GPRC6A: variants seen among roughly 807,000 people sequenced by gnomAD.
GPRC6A encodes G protein-coupled receptor class C group 6 member A.
A neutral mutation model predicts 47.0 loss-of-function variants in GPRC6A; 54 were observed. The ratio of observed to expected loss-of-function variants is 1.15; its 90% confidence interval spans 0.92 to 1.44. The LOEUF (loss-of-function observed/expected upper bound fraction) is 1.44. GPRC6A is among the 40% of genes most tolerant of loss of function. The pLI is 0.00. For synonymous variants in GPRC6A, 347 were observed against 377.1 expected (o/e 0.92, Z 0.93); for missense variants, 1,112 against 1,105.5 (o/e 1.01, Z -0.08).
intron 4 of GPRC6A, among the ~76,000 whole-genome samples, chr6:116,796,968 G>T (rs1188776003): frequency 6.6e-6 from 1 of 152,084 alleles, no homozygotes; most frequent in African/African-American, 2.4e-5. Context: ...GTGCCATGCT[G>T]GTGCGCTGCA....
intron 2 of GPRC6A, among the ~76,000 whole-genome samples, 170 bp from the exon 3 acceptor site, chr6:116,807,376 C>T (rs1562482427): frequency 6.6e-6 from 1 of 152,172 alleles, no homozygotes; most frequent in Non-Finnish European, 1.5e-5. Flanking sequence ...AGAATCATGG[C>T]TTTCTAATTA....
At chr6:116,805,160 A>G (rs73765862) in intron 3 of GPRC6A, among the ~76,000 whole-genome samples, 296 of 152,132 alleles carry the variant, frequency 1.9e-3, no homozygotes, top group African/African-American at 6.9e-3. Flanking sequence ...ATAACTATAT[A>G]TATATTAAAA....
intron 1 of GPRC6A, among the ~76,000 whole-genome samples, chr6:116,816,676 G>A (rs1773220789): frequency 6.6e-6 from 1 of 152,262 alleles, no homozygotes; most frequent in African/African-American, 2.4e-5. Flanking sequence ...GTCAGTGGGT[G>A]CACGCACCGT....
At position 116,792,580 on chromosome 6, in the gene GPRC6A, G is replaced by A. The variant is rs369230027; in HGVS notation, c.2343C>T (p.Ala781=). 112 of 1,602,148 alleles carry A rather than the reference G, an allele frequency of 7.0e-5. No individual in the cohort carries two copies. The highest frequency in any genetic ancestry group is 8.8e-5 in the Non-Finnish European group (103 of 1,174,996). Residue 781 remains alanine (A), a synonymous_variant, in exon 6 of 6, where the codon GCC becomes GCT. Transcript: ENST00000310357. ...TGAGCATGCCAAATGTAATGAATTT[G>A]GCTTCATTGTAATTCTCATATTTGC... The part of the protein sequence containing the change: ...FKGKYENYNE[A]KFITFGMLIY...
chr6:116,818,146 C>G (rs960455766), intron 1 of GPRC6A, among the ~76,000 whole-genome samples: 1 of 152,022 alleles, frequency 6.6e-6, no homozygotes, highest in Non-Finnish European at 1.5e-5. Flanking sequence ...GTTGGGTTAC[C>G]CTCAAAGGGA....
intron 1 of GPRC6A, among the ~76,000 whole-genome samples, chr6:116,818,571 G>GAATTTTCA: frequency 3.4e-5 from 1 of 29,794 alleles, no homozygotes. Context: ...AAAAAAAAAA[G>GAATTTTCA]AATTTTCAAC....
chr6:116,807,672 G>A (rs1230787198), intron 2 of GPRC6A, among the ~76,000 whole-genome samples: 1 of 152,094 alleles, frequency 6.6e-6, no homozygotes, highest in Non-Finnish European at 1.5e-5. Context: ...AAATTTTCCT[G>A]TAAAGAACGA....
At chr6:116,821,851 T>G (rs1035909299) in intron 1 of GPRC6A, among the ~76,000 whole-genome samples, 2 of 150,892 alleles carry the variant, frequency 1.3e-5, no homozygotes, top group African/African-American at 4.9e-5. Flanking sequence ...AAAGCCAAAA[T>G]TGACAAATGG....
In GPRC6A at chr6:116,807,126, G is replaced by C. The variant is rs267600777; in HGVS notation, c.579C>G (p.Phe193Leu). ...PSFLRTVPSD[F>L]HQIKAMAHLI... is the part of the protein sequence containing the mutation. ...GGTGAGCCATTGCTTTAATTTGATG[G>C]AAGTCACTGGGCACAGTCCGTAAAA... The change falls in exon 3 of 6, where the codon TTC becomes TTG. Residue 193 changes from phenylalanine (F) to leucine (L), a missense_variant. Coordinates refer to ENST00000310357, the MANE Select transcript of GPRC6A (RefSeq NM_148963.4). 12 of 1,613,534 alleles carry C rather than the reference G, an allele frequency of 7.4e-6. No homozygotes were observed. The Admixed American group carries it at 1.5e-4, about 20-fold the overall frequency.
chr6:116,818,000 G>C (rs1773289861), intron 1 of GPRC6A, among the ~76,000 whole-genome samples: 2 of 152,060 alleles, frequency 1.3e-5, no homozygotes, highest in Admixed American at 1.3e-4. Flanking sequence ...AGCAAGGCAG[G>C]CCAATGTTCA....
chr6:116,803,345 G>A (rs1562480741), intron 3 of GPRC6A, among the ~76,000 whole-genome samples: 1 of 151,978 alleles, frequency 6.6e-6, no homozygotes, highest in Non-Finnish European at 1.5e-5. Context: ...CACCTTGGAT[G>A]GAAAAAATAT....
chr6:116,798,857 T>A (rs1478192871), intron 4 of GPRC6A, among the ~76,000 whole-genome samples: 12 of 145,486 alleles, frequency 8.2e-5, no homozygotes, highest in Non-Finnish European at 1.6e-4. Flanking sequence ...CATACTAGCC[T>A]GGATGAGAGA....
At chr6:116,793,674 A>G (rs766688379) in intron 5 of GPRC6A, among the ~76,000 whole-genome samples, 17 of 152,178 alleles carry the variant, frequency 1.1e-4, no homozygotes, top group Non-Finnish European at 2.5e-4. Context: ...TTCTGAGCCT[A>G]TTTCAGAATC....
intron 3 of GPRC6A, among the ~76,000 whole-genome samples, chr6:116,802,104 C>T (rs1772693808): frequency 6.6e-6 from 1 of 152,066 alleles, no homozygotes; most frequent in Admixed American, 6.6e-5. Context: ...TTTTCCTGTG[C>T]TTAATTAGGC....
chr6:116,823,123 TA>T (rs1157450594), intron 1 of GPRC6A, among the ~76,000 whole-genome samples: 1 of 152,080 alleles, frequency 6.6e-6, no homozygotes, highest in Admixed American at 6.6e-5. Flanking sequence ...TTGTTTTTTC[TA>T]ACACATGGCT....
At chr6:116,809,235 A>G in intron 2 of GPRC6A, 79 bp downstream of exon 2, 1 of 1,109,126 alleles carries the variant, frequency 9.0e-7, no homozygotes, top group Non-Finnish European at 1.3e-6. Flanking sequence ...CTCCCTAACT[A>G]GTTTCCTCAG....
chr6:116,795,765 A>G lies in GPRC6A; in HGVS notation c.1619T>C (p.Ile540Thr), dbSNP rs1359760238. 6.2e-7 allele frequency: 1 copy of G among 1,609,968 alleles called. No homozygotes were observed. The highest frequency in any genetic ancestry group is 8.5e-7 in the Non-Finnish European group (1 of 1,176,640). Residue 540 changes from isoleucine (I) to threonine (T), a missense_variant, in exon 5 of 6, where the codon ATC becomes ACC. By Grantham distance (89) the Ile-to-Thr change is moderately conservative. Coordinates refer to ENST00000310357, the MANE Select transcript of GPRC6A (RefSeq NM_148963.4). ...ACAGTTCTGACATTCATAGCAACAG[A>G]TGTGTTGACTTCTTGTAGTTTTCTT... Reference protein sequence around the residue: ...QMKKTTRSQHICCYECQNCPE... With the variant: ...QMKKTTRSQHTCCYECQNCPE...
chr6:116,793,358 G>A, intron 5 of GPRC6A, 108 bp from the exon 6 acceptor site: 1 of 664,290 alleles, frequency 1.5e-6, no homozygotes, highest in South Asian at 3.0e-5. Context: ...CTAGAGAATA[G>A]ATATAGATGA....
chr6:116,810,362 A>C (rs987222038), intron 1 of GPRC6A, among the ~76,000 whole-genome samples: 15 of 152,070 alleles, frequency 9.9e-5, no homozygotes, highest in Non-Finnish European at 2.1e-4. Context: ...TAATTAAGCT[A>C]TTTGAATATT....
Sources: allele counts gnomAD v4.1 joint callset (sites outside exome capture counted in the v4.1 genomes callset), GRCh38; gene constraint gnomAD v4.1.1; transcripts MANE v1.5; gene names NCBI Gene and HGNC (gene_info 2026-07-23, HGNC 2026-07-21).